Variants in SPAG16 observed in about 807,000 individuals in gnomAD.
SPAG16 encodes sperm-associated antigen 16 protein.
Under a neutral mutation model 80.4 loss-of-function variants are expected in SPAG16, and 86 were observed. The ratio of observed to expected loss-of-function variants is 1.07; its 90% CI spans 0.90 to 1.28. SPAG16 has a LOEUF of 1.28. SPAG16 is among the 50% of genes most tolerant of loss of function. The probability of loss-of-function intolerance (pLI) is 0.00; values close to 1 mark genes in which losing one functional copy is unlikely to be tolerated. For synonymous variants in SPAG16, 294 were observed against 265.9 expected (o/e 1.11, Z -1.03); for missense variants, 870 against 765.3 (o/e 1.14, Z -1.61).
intron 15 of SPAG16, among the ~76,000 whole-genome samples, chr2:214,245,342 G>C (rs1689763899): frequency 6.6e-6 from 1 of 152,008 alleles, no homozygotes; most frequent in African/African-American, 2.4e-5. Context: ...AGTCCCCAAT[G>C]ATAATGCAAT....
intron 15 of SPAG16, among the ~76,000 whole-genome samples, chr2:214,160,088 G>T (rs1341012856): frequency 6.6e-6 from 1 of 151,932 alleles, no homozygotes; most frequent in Non-Finnish European, 1.5e-5. Flanking sequence ...ATGACTAGGA[G>T]TATTGCAAAC....
chr2:213,635,040 C>CTT (rs112845992), intron 10 of SPAG16, among the ~76,000 whole-genome samples: 9 of 142,510 alleles, frequency 6.3e-5, no homozygotes, highest in African/African-American at 1.3e-4. Context: ...CTTTTTCTTT[C>CTT]TTTTTTTTTT....
At chr2:213,990,065 A>G (rs1395983509) in intron 12 of SPAG16, among the ~76,000 whole-genome samples, 1 of 152,112 alleles carries the variant, frequency 6.6e-6, no homozygotes, top group Non-Finnish European at 1.5e-5. Flanking sequence ...CTTTATGTCT[A>G]CTAGAAAGGT....
At chr2:214,123,541 G>T (rs951196138) in intron 14 of SPAG16, among the ~76,000 whole-genome samples, 14 of 151,916 alleles carry the variant, frequency 9.2e-5, no homozygotes, top group African/African-American at 3.4e-4. Flanking sequence ...TCTAAATAGT[G>T]AGAGTTCAGC....
chr2:213,796,604 A>T (rs149451703), intron 10 of SPAG16, among the ~76,000 whole-genome samples: 62 of 152,254 alleles, frequency 4.1e-4, no homozygotes, highest in Non-Finnish European at 7.2e-4. Flanking sequence ...AAAATTTTCC[A>T]TTGCTTAGTG....
chr2:213,734,714 ATG>A (rs1323043381), intron 10 of SPAG16, among the ~76,000 whole-genome samples: 1 of 23,836 alleles, frequency 4.2e-5, no homozygotes, highest in East Asian at 0.033. Context: ...AGACTTGGAC[ATG>A]TTTTTTTTTG....
intron 10 of SPAG16, among the ~76,000 whole-genome samples, chr2:213,634,227 C>A (rs1306606937): frequency 6.6e-6 from 1 of 152,094 alleles, no homozygotes; most frequent in African/African-American, 2.4e-5. Context: ...CAAATACTAT[C>A]TTATAACCCA....
At chr2:214,236,765 GT>G (rs1400825390) in intron 15 of SPAG16, among the ~76,000 whole-genome samples, 5 of 152,112 alleles carry the variant, frequency 3.3e-5, no homozygotes, top group Non-Finnish European at 7.4e-5. Flanking sequence ...AGATCATGAG[GT>G]TTTTAGGTGT....
intron 10 of SPAG16, among the ~76,000 whole-genome samples, chr2:213,855,674 G>A (rs886684261): frequency 6.6e-6 from 1 of 152,164 alleles, no homozygotes; most frequent in Non-Finnish European, 1.5e-5. Flanking sequence ...ATGGCAGAAG[G>A]CACCCCTTCA....
At chr2:213,409,989 G>C (rs757225734) in intron 9 of SPAG16, among the ~76,000 whole-genome samples, 1 of 151,982 alleles carries the variant, frequency 6.6e-6, no homozygotes, top group Non-Finnish European at 1.5e-5. Context: ...TGAAGATCAC[G>C]TTCTTATCTA....
At chr2:213,667,600 G>A (rs935393471) in intron 10 of SPAG16, among the ~76,000 whole-genome samples, 2 of 152,180 alleles carry the variant, frequency 1.3e-5, no homozygotes, top group Non-Finnish European at 2.9e-5. Context: ...AGAGATTGAC[G>A]TTGGAGAGAT....
chr2:213,916,190 T>C (rs974546349), intron 11 of SPAG16, among the ~76,000 whole-genome samples: 7 of 152,220 alleles, frequency 4.6e-5, no homozygotes, highest in Admixed American at 2.0e-4. Flanking sequence ...TCTTTGCCCA[T>C]GCCTGTGTCC....
chr2:214,390,900 A>C (rs945762185), intron 15 of SPAG16, among the ~76,000 whole-genome samples: 2 of 152,206 alleles, frequency 1.3e-5, no homozygotes, highest in African/African-American at 4.8e-5. Flanking sequence ...GGAGATTTTC[A>C]TGAGAAAGGA....
chr2:213,407,317 G>A (rs1433791911), intron 9 of SPAG16, among the ~76,000 whole-genome samples: 1 of 151,938 alleles, frequency 6.6e-6, no homozygotes, highest in African/African-American at 2.4e-5. Flanking sequence ...CCCCTGGTTT[G>A]AGGGGTTGAG....
At chr2:214,077,393 A>G (rs1282151189) in intron 13 of SPAG16, among the ~76,000 whole-genome samples, 1 of 152,230 alleles carries the variant, frequency 6.6e-6, no homozygotes, top group Non-Finnish European at 1.5e-5. Flanking sequence ...GAAGATTCCC[A>G]GTTTTATGTC....
intron 9 of SPAG16, among the ~76,000 whole-genome samples, chr2:213,404,587 C>T (rs924006404): frequency 1.3e-5 from 2 of 151,824 alleles, no homozygotes; most frequent in African/African-American, 2.4e-5. Context: ...AAATGTTAGA[C>T]CTAAAACCAT....
chr2:214,300,505 C>A (rs1694470489), intron 15 of SPAG16, among the ~76,000 whole-genome samples: 1 of 151,806 alleles, frequency 6.6e-6, no homozygotes, highest in African/African-American at 2.4e-5. Flanking sequence ...GTCTTTTTTA[C>A]AAATTTTTTT....
chr2:213,596,429 A>G (rs762386286), intron 10 of SPAG16, among the ~76,000 whole-genome samples: 13 of 152,088 alleles, frequency 8.5e-5, no homozygotes, highest in Non-Finnish European at 1.8e-4. Flanking sequence ...TTCAGATCAC[A>G]CTAATTTTAT....
At chr2:213,730,994 T>A (rs1034377507) in intron 10 of SPAG16, among the ~76,000 whole-genome samples, 15 of 152,088 alleles carry the variant, frequency 9.9e-5, no homozygotes, top group African/African-American at 3.6e-4. Flanking sequence ...CTATTACATT[T>A]TTTTATTTTT....
Sources: allele counts gnomAD v4.1 joint callset (sites outside exome capture counted in the v4.1 genomes callset), GRCh38; gene constraint gnomAD v4.1.1; transcripts MANE v1.5; gene names NCBI Gene and HGNC (gene_info 2026-07-23, HGNC 2026-07-21).